PDE4D: variants seen among roughly 807,000 people sequenced by gnomAD.
PDE4D encodes 3',5'-cyclic-AMP phosphodiesterase 4D.
PDE4D carries 24 observed loss-of-function variants against 87.4 expected under a neutral mutation model. That is an observed-to-expected ratio of 0.27 (90% CI 0.20 to 0.39). The LOEUF is 0.39. PDE4D is among the 10% of genes least tolerant of loss of function. The probability of loss-of-function intolerance (pLI) is 1.00; values close to 1 mark genes in which losing one functional copy is unlikely to be tolerated. For synonymous variants in PDE4D, 384 were observed against 383.2 expected, an observed-to-expected ratio of 1.00 and a Z score of -0.02; for missense variants, 714 against 1,041.0, an observed-to-expected ratio of 0.69 and a Z score of 4.32.
At chr5:60,187,293 C>T (rs1463016029) in intron 1 of PDE4D, among the ~76,000 whole-genome samples, 1 of 152,096 alleles carries the variant, frequency 6.6e-6, no homozygotes, top group African/African-American at 2.4e-5. Flanking sequence ...ATCACCTTTA[C>T]AAATTAGCAT....
chr5:59,261,322 C>A (rs956603881), intron 1 of PDE4D, among the ~76,000 whole-genome samples: 18 of 151,774 alleles, frequency 1.2e-4, no homozygotes, highest in African/African-American at 4.3e-4. Flanking sequence ...CTTATTAATG[C>A]AGTTATAGCC....
At position 59,497,325 on chromosome 5, in the gene PDE4D, G is replaced by A. The variant is rs114158032; in HGVS notation, c.456-281357C>T. The stretch of plus-strand genomic sequence containing the variant: ...TCCAGAGAATCTCACTAGCTCCCAA[G>A]CAATGAACCCTAACCAGAATGAAAT... On this transcript the variant is annotated intron_variant, in intron 1 of 14. Transcript: ENST00000340635. Among the ~76,000 whole-genome samples the A allele has an allele frequency of 7.4e-3, 1,131 of 152,130 alleles. 9 individuals are homozygous for A. Among genetic ancestry groups the A allele is most frequent in the Non-Finnish European group, 0.011 (769 of 68,010 alleles).
At chr5:59,341,250 CA>C (rs770537659) in intron 1 of PDE4D, among the ~76,000 whole-genome samples, 1 of 152,134 alleles carries the variant, frequency 6.6e-6, no homozygotes, top group Non-Finnish European at 1.5e-5. Flanking sequence ...AGAGTTATTA[CA>C]TTTGCAAGGG....
chr5:59,172,217 TAATA>T (rs1241989538), intron 5 of PDE4D, among the ~76,000 whole-genome samples: 8 of 103,970 alleles, frequency 7.7e-5, no homozygotes, highest in Admixed American at 2.6e-4. Context: ...ATATAATATA[TAATA>T]AATATATAAT....
intron 2 of PDE4D, among the ~76,000 whole-genome samples, chr5:60,052,387 T>A (rs919480924): frequency 7.2e-5 from 11 of 152,082 alleles, no homozygotes; most frequent in African/African-American, 2.4e-4. Flanking sequence ...GTTCAACATA[T>A]GCAAATCATT....
At position 59,794,153 on chromosome 5, in the gene PDE4D, A is replaced by G. The variant is rs1284497771; in HGVS notation, c.455+99015T>C. On this transcript the variant is annotated intron_variant, in intron 1 of 14. Transcript: ENST00000340635. ...CACAGAGGCGCACACACACACACAC[A>G]CACACACACACACACACACACACAC... is the stretch of plus-strand genomic sequence containing the variant. Among the ~76,000 whole-genome samples the G allele has an allele frequency of 1.6e-3, 234 of 147,994 alleles. 1 individual carries two copies. The highest frequency in any genetic ancestry group is 2.8e-3 in the African/African-American group (111 of 40,154).
At chr5:60,390,344 C>T (rs1315554519) in intron 1 of PDE4D, among the ~76,000 whole-genome samples, 2 of 152,296 alleles carry the variant, frequency 1.3e-5, no homozygotes, top group South Asian at 2.1e-4. Flanking sequence ...AGAGGCCAAC[C>T]TTTGCCAACA....
intron 1 of PDE4D, among the ~76,000 whole-genome samples, chr5:59,412,187 A>C (rs551620273): frequency 6.6e-6 from 1 of 152,328 alleles, no homozygotes; most frequent in Admixed American, 6.5e-5. Flanking sequence ...GAATGTTTTC[A>C]AGGGTTGTAC....
intron 1 of PDE4D, among the ~76,000 whole-genome samples, chr5:60,355,288 C>A (rs1195577312): frequency 6.6e-6 from 1 of 152,166 alleles, no homozygotes; most frequent in Non-Finnish European, 1.5e-5. Flanking sequence ...TATCTTGTTG[C>A]ACATTAGACT....
chr5:59,254,816 G>A (rs931905491), intron 1 of PDE4D, among the ~76,000 whole-genome samples: 6 of 152,000 alleles, frequency 3.9e-5, no homozygotes, highest in Admixed American at 2.0e-4. Context: ...AAGTGCATAC[G>A]CAGAAAGATG....
rs7709910 is a variant in PDE4D, at chr5:60,239,010, C to T, written c.-89-53323G>A. On this transcript the variant is annotated intron_variant, in intron 1 of 16. Coordinates refer to the PDE4D transcript ENST00000502484. Reference sequence around the variant, plus strand: ...AGCATTCCAATAATGGAACACTAGGCGTAAATGGGTTTTAGTCTTAAGAAA... The same window carrying T: ...AGCATTCCAATAATGGAACACTAGGTGTAAATGGGTTTTAGTCTTAAGAAA... Among the ~76,000 whole-genome samples the T allele has an allele frequency of 1.5e-3, 228 of 152,072 alleles. 2 individuals are homozygous for T. Among genetic ancestry groups the T allele is most frequent in the African/African-American group, 5.2e-3 (218 of 41,530 alleles).
At chr5:60,096,211 GT>G (rs1775665778) in intron 2 of PDE4D, among the ~76,000 whole-genome samples, 1 of 151,976 alleles carries the variant, frequency 6.6e-6, no homozygotes, top group Non-Finnish European at 1.5e-5. Context: ...TTCTTCTAGG[GT>G]TTTTATGACC....
chr5:59,762,854 G>GATATATATATAT (rs35979900), intron 1 of PDE4D, among the ~76,000 whole-genome samples: 50 of 51,682 alleles, frequency 9.7e-4, no homozygotes, highest in Non-Finnish European at 1.4e-3. Flanking sequence ...ACTGCTTAAG[G>GATATATATATAT]ATATATATAT....
chr5:59,708,377 G>C (rs1753749408), intron 1 of PDE4D, among the ~76,000 whole-genome samples: 1 of 152,084 alleles, frequency 6.6e-6, no homozygotes, highest in Admixed American at 6.6e-5. Context: ...AGGAATACAG[G>C]AGCTGATTTT....
chr5:59,486,973 G>A (rs1244067280), intron 1 of PDE4D, among the ~76,000 whole-genome samples: 1 of 152,176 alleles, frequency 6.6e-6, no homozygotes, highest in Non-Finnish European at 1.5e-5. Context: ...TGCAAAAATA[G>A]TTAATAGGCC....
At position 60,402,713 on chromosome 5, in the gene PDE4D, T is replaced by C. The variant is rs138966284; in HGVS notation, c.-90+85229A>G. 2.2e-3 allele frequency among the ~76,000 whole-genome samples: 337 copies of C among 152,360 alleles called. 2 individuals carry two copies. The highest frequency in any genetic ancestry group is 7.9e-3 in the African/African-American group (329 of 41,584). The stretch of plus-strand genomic sequence containing the variant: ...CAACTGGCTTCATTCCAGGTGATCT[T>C]ATGTTGATGCTTAATATCCAGGAAG... On this transcript the variant is annotated intron_variant, in intron 1 of 16. Coordinates refer to the PDE4D transcript ENST00000502484.
chr5:59,718,683 G>C (rs1755379557), intron 1 of PDE4D, among the ~76,000 whole-genome samples: 1 of 152,088 alleles, frequency 6.6e-6, no homozygotes, highest in Admixed American at 6.6e-5. Flanking sequence ...GAAAGATCTC[G>C]AGATTGTGCT....
At chr5:59,349,887 G>T (rs1780233689) in intron 1 of PDE4D, among the ~76,000 whole-genome samples, 1 of 152,036 alleles carries the variant, frequency 6.6e-6, no homozygotes, top group Non-Finnish European at 1.5e-5. Context: ...TCTGCCTGTG[G>T]TTGTTCCATG....
At chr5:60,275,979 T>A (rs2149735260) in intron 1 of PDE4D, among the ~76,000 whole-genome samples, 1 of 152,346 alleles carries the variant, frequency 6.6e-6, no homozygotes, top group African/African-American at 2.4e-5. Context: ...TTGATTCCAC[T>A]GTGGTCAAAG....
Sources: allele counts gnomAD v4.1 joint callset (sites outside exome capture counted in the v4.1 genomes callset), GRCh38; gene constraint gnomAD v4.1.1; transcripts MANE v1.5; gene names NCBI Gene and HGNC (gene_info 2026-07-23, HGNC 2026-07-21).